The following CYP2C19 variants were observed in gnomAD, a reference collection of about 807,000 sequenced individuals.
CYP2C19 encodes the protein cytochrome P450 family 2 subfamily C member 19.
In CYP2C19, 59 loss-of-function variants were observed where a neutral mutation model predicts 40.9. That is an observed-to-expected ratio of 1.44 (90% confidence interval 1.17 to 1.79). The LOEUF (loss-of-function observed/expected upper bound fraction) is 1.79. Among genes scored for constraint, CYP2C19 ranks in the 40% most tolerant of loss-of-function variants. The pLI, the probability that CYP2C19 is intolerant of heterozygous loss-of-function variation, is 0.00. For missense variants in CYP2C19, 754 were observed against 596.9 expected (o/e 1.26, Z -2.74); for synonymous variants, 253 against 208.7 (o/e 1.21, Z -1.83).
chr10:94,842,612 C>G (rs1391498340), intron 6 of CYP2C19, among the ~76,000 whole-genome samples: 1 of 151,966 alleles, frequency 6.6e-6, no homozygotes, highest in Non-Finnish European at 1.5e-5. Context: ...ATAATTTTCT[C>G]TGCATATATG....
At chr10:94,798,746 G>A (rs943023023) in intron 5 of CYP2C19, among the ~76,000 whole-genome samples, 24 of 150,928 alleles carry the variant, frequency 1.6e-4, no homozygotes, top group Admixed American at 1.5e-3. Flanking sequence ...TTATGTAATG[G>A]CCTTTGTCTG....
At chr10:94,782,403 CAAT>C (rs1466582890) in intron 5 of CYP2C19, among the ~76,000 whole-genome samples, 1 of 152,022 alleles carries the variant, frequency 6.6e-6, no homozygotes, top group African/African-American at 2.4e-5. Flanking sequence ...ATAAAAACAA[CAAT>C]GAGATACCAT....
chr10:94,797,664 C>T (rs963682175), intron 5 of CYP2C19, among the ~76,000 whole-genome samples: 3 of 152,006 alleles, frequency 2.0e-5, no homozygotes, highest in Non-Finnish European at 4.4e-5. Flanking sequence ...GCCTTAATTT[C>T]ATAGCCTGTT....
chr10:94,786,352 T>A (rs1564664663), intron 5 of CYP2C19, among the ~76,000 whole-genome samples: 1 of 152,234 alleles, frequency 6.6e-6, no homozygotes, highest in East Asian at 1.9e-4. Context: ...CAATATTAAG[T>A]CTTCCAATCC....
chr10:94,808,379 A>G (rs763684689), intron 5 of CYP2C19, among the ~76,000 whole-genome samples: 20 of 152,172 alleles, frequency 1.3e-4, no homozygotes, highest in Non-Finnish European at 2.2e-4. Context: ...TAATAATCAC[A>G]TTATGGAAGA....
intron 5 of CYP2C19, among the ~76,000 whole-genome samples, chr10:94,816,394 A>T (rs1849002570): frequency 6.6e-6 from 1 of 152,138 alleles, no homozygotes; most frequent in Non-Finnish European, 1.5e-5. Flanking sequence ...CAGTAGTATC[A>T]AAAGTGAGTG....
rs371974130 is a variant in CYP2C19, at chr10:94,820,651, G to A, written c.961+14G>A. Reference sequence around the variant, plus strand: ...CAGAGGTCACAGGTATGATCACAGAGGATGAGTTAATTGAGTTTTAGGAAA... The same window carrying A: ...CAGAGGTCACAGGTATGATCACAGAAGATGAGTTAATTGAGTTTTAGGAAA... On this transcript the variant is annotated intron_variant, in intron 6 of 8. Coordinates refer to ENST00000371321, the MANE Select transcript of CYP2C19 (RefSeq NM_000769.4). The A allele has an allele frequency of 3.0e-5, 48 of 1,614,112 alleles. No individual in the cohort carries two copies. In the African/African-American group the frequency reaches 5.9e-4, roughly 20 times the overall value.
chr10:94,764,483 A>G (rs1488370323), intron 1 of CYP2C19, among the ~76,000 whole-genome samples: 1 of 152,130 alleles, frequency 6.6e-6, no homozygotes, highest in Non-Finnish European at 1.5e-5. Flanking sequence ...AAGTTCTCCA[A>G]GTCCCTACCT....
intron 3 of CYP2C19, chr10:94,776,175 A>G (rs1377777617): frequency 2.6e-5 from 4 of 152,210 alleles, no homozygotes; most frequent in African/African-American, 9.6e-5. Context: ...TTGTTACTCT[A>G]TTGATTTTGA....
intron 5 of CYP2C19, among the ~76,000 whole-genome samples, chr10:94,807,678 T>C (rs1462820125): frequency 6.6e-6 from 1 of 152,172 alleles, no homozygotes; most frequent in Non-Finnish European, 1.5e-5. Flanking sequence ...TGGCCACTTG[T>C]ATGTCTCTTT....
chr10:94,820,594 G>A lies in CYP2C19; in HGVS notation c.918G>A (p.Leu306=), dbSNP rs1378164253. 1.2e-6 allele frequency: 2 copies of A among 1,614,088 alleles called. No individual in the cohort carries two copies. Among genetic ancestry groups the A allele is most frequent in the South Asian group, 1.1e-5 (1 of 91,086 alleles). The change falls in exon 6 of 9, where the codon CTG becomes CTA. Residue 306 remains leucine, a synonymous_variant. Coordinates refer to ENST00000371321, the MANE Select transcript of CYP2C19 (RefSeq NM_000769.4). ...GGACAGAGACAACAAGCACAACCCT[G>A]AGATATGCTCTCCTTCTCCTGCTGA... ...GAGTETTSTT[L]RYALLLLLKH...
intron 3 of CYP2C19, among the ~76,000 whole-genome samples, chr10:94,777,924 C>T (rs950729789): frequency 6.6e-6 from 1 of 151,958 alleles, no homozygotes; most frequent in Non-Finnish European, 1.5e-5. Context: ...CCAGAATCCA[C>T]AAGGAACTTA....
intron 5 of CYP2C19, among the ~76,000 whole-genome samples, chr10:94,788,269 C>CT (rs759901816): frequency 1.3e-5 from 2 of 151,954 alleles, no homozygotes; most frequent in African/African-American, 4.8e-5. Context: ...CTTCCAGGAG[C>CT]TTTTTGGAAG....
chr10:94,837,994 A>T (rs11188092), intron 6 of CYP2C19, among the ~76,000 whole-genome samples: 1 of 151,808 alleles, frequency 6.6e-6, no homozygotes, highest in Non-Finnish European at 1.5e-5. Context: ...TAGACATATA[A>T]TTTTCCCAAC....
intron 5 of CYP2C19, among the ~76,000 whole-genome samples, chr10:94,817,678 G>T: frequency 6.6e-6 from 1 of 151,108 alleles, no homozygotes; most frequent in African/African-American, 2.4e-5. Flanking sequence ...GAATGGTAAT[G>T]CCTAGGTTTT....
intron 6 of CYP2C19, 116 bp downstream of exon 6, chr10:94,820,753 G>T (rs576942553): frequency 1.5e-6 from 2 of 1,316,056 alleles, no homozygotes; most frequent in South Asian, 2.5e-5. Context: ...TTCTGTGCCC[G>T]CAGCTGTAAT....
intron 6 of CYP2C19, among the ~76,000 whole-genome samples, chr10:94,821,285 T>C (rs1253814248): frequency 6.6e-6 from 1 of 152,154 alleles, no homozygotes; most frequent in Admixed American, 6.5e-5. Flanking sequence ...TTGGTTTTAT[T>C]ATTAAAAGGC....
chr10:94,847,928 G>GT (rs1213773112), intron 7 of CYP2C19, among the ~76,000 whole-genome samples: 3 of 152,100 alleles, frequency 2.0e-5, no homozygotes, highest in African/African-American at 7.2e-5. Context: ...GCGGTTGTTT[G>GT]TTTTTTTCTT....
chr10:94,845,947 C>T (rs1344253825), intron 7 of CYP2C19, among the ~76,000 whole-genome samples: 5 of 151,956 alleles, frequency 3.3e-5, no homozygotes, highest in African/African-American at 9.7e-5. Flanking sequence ...ATCTGTCTAT[C>T]CATCTATCTA....
Sources: gnomAD v4.1 joint callset for allele counts (sites outside exome capture counted in the v4.1 genomes callset) on GRCh38, gnomAD v4.1.1 for gene constraint, MANE v1.5 for transcripts, NCBI Gene and HGNC (gene_info 2026-07-23, HGNC 2026-07-21) for gene names.